Variants in DPP10 observed in about 807,000 individuals in gnomAD.
The protein encoded by DPP10 is dipeptidyl peptidase like 10, also known as inactive dipeptidyl peptidase 10.
DPP10 carries 33 observed loss-of-function variants against 120.9 expected under a neutral mutation model. The ratio of observed to expected loss-of-function variants is 0.27; its 90% confidence interval spans 0.21 to 0.37. DPP10 has a LOEUF of 0.37. Ranked by LOEUF, DPP10 falls within the 10% of genes least tolerant of loss-of-function variation. The probability of loss-of-function intolerance (pLI) is 1.00; values close to 1 mark genes in which losing one functional copy is unlikely to be tolerated. For missense variants in DPP10, 816 were observed against 942.8 expected, an observed-to-expected ratio of 0.87 and a Z score of 1.76; for synonymous variants, 337 against 326.1, an observed-to-expected ratio of 1.03 and a Z score of -0.36.
chr2:115,119,928 T>G (rs1319754964), intron 1 of DPP10, among the ~76,000 whole-genome samples: 1 of 152,232 alleles, frequency 6.6e-6, no homozygotes, highest in Non-Finnish European at 1.5e-5. Flanking sequence ...TAGCCAGTTC[T>G]GAGTGTCTTG....
At chr2:114,771,070 G>T (rs1392093608) in intron 1 of DPP10, among the ~76,000 whole-genome samples, 2 of 152,172 alleles carry the variant, frequency 1.3e-5, no homozygotes, top group Non-Finnish European at 2.9e-5. Flanking sequence ...TATGGCCAGG[G>T]TCATTCTTCA....
intron 1 of DPP10, among the ~76,000 whole-genome samples, chr2:115,276,761 C>T (rs948040338): frequency 7.9e-5 from 12 of 152,084 alleles, no homozygotes; most frequent in African/African-American, 2.9e-4. Flanking sequence ...TTTTTAGAGA[C>T]ACATTTATCA....
At chr2:115,410,273 A>G (rs1480895371) in intron 3 of DPP10, among the ~76,000 whole-genome samples, 3 of 152,256 alleles carry the variant, frequency 2.0e-5, no homozygotes, top group South Asian at 2.1e-4. Context: ...AACGTAATAC[A>G]TATACATCAT....
At chr2:115,836,118 AG>A in intron 21 of DPP10, 38 bp from the exon 22 acceptor site, 3 of 890,328 alleles carry the variant, frequency 3.4e-6, no homozygotes, top group Non-Finnish European at 4.5e-6. Flanking sequence ...TGTGTGTGTG[AG>A]ATATATATAT....
At chr2:115,607,867 T>C (rs2149241153) in intron 5 of DPP10, among the ~76,000 whole-genome samples, 1 of 152,286 alleles carries the variant, frequency 6.6e-6, no homozygotes, top group East Asian at 1.9e-4. Context: ...AGAATCAATA[T>C]GTAGAAACCA....
chr2:115,349,455 T>TA (rs964070255), intron 3 of DPP10, among the ~76,000 whole-genome samples: 2 of 151,832 alleles, frequency 1.3e-5, no homozygotes, highest in Non-Finnish European at 2.9e-5. Context: ...AGGTAAAAGT[T>TA]AAAAAAAGAA....
rs571204333 is a variant in DPP10, at chr2:115,482,320, A to C, written c.272-17190A>C. Among the ~76,000 whole-genome samples, 5 of 31,650 alleles carry C rather than the reference A, an allele frequency of 1.6e-4. No individual in the cohort carries two copies. The East Asian group carries it at 2.3e-3, about 15-fold the overall frequency. 20.8% of individuals were successfully genotyped at this position (31,650 alleles called of 152,430 possible). A position where few individuals can be genotyped will look rare whatever the true frequency, so the allele number is the denominator to read the frequency against. On this transcript the variant is annotated intron_variant, in intron 3 of 25. Coordinates refer to ENST00000410059, the MANE Select transcript of DPP10 (RefSeq NM_020868.6). ...TATATATCTGCATACATAGTAAAATAGTTAGTATAGGGGAACAAATTAGCA... is the reference window on the plus strand; with the variant it reads ...TATATATCTGCATACATAGTAAAATCGTTAGTATAGGGGAACAAATTAGCA...
chr2:115,035,058 C>T (rs936388245), intron 1 of DPP10, among the ~76,000 whole-genome samples: 2 of 152,248 alleles, frequency 1.3e-5, no homozygotes, highest in African/African-American at 4.8e-5. Flanking sequence ...TGGCATTTAG[C>T]CGATGACACC....
chr2:115,160,567 C>G (rs2052233505), intron 1 of DPP10, among the ~76,000 whole-genome samples: 1 of 152,170 alleles, frequency 6.6e-6, no homozygotes. Context: ...TCTGCTGGAA[C>G]TGTCTTGTGC....
At chr2:115,222,991 A>G (rs1426060743) in intron 1 of DPP10, among the ~76,000 whole-genome samples, 1 of 152,144 alleles carries the variant, frequency 6.6e-6, no homozygotes, top group Non-Finnish European at 1.5e-5. Context: ...CTATTTGTAA[A>G]TGGATTTTGA....
chr2:114,453,413 T>A (rs1378023053), intron 1 of DPP10, among the ~76,000 whole-genome samples: 1 of 152,194 alleles, frequency 6.6e-6, no homozygotes, highest in Non-Finnish European at 1.5e-5. Flanking sequence ...CATTTCTTTT[T>A]TCTTTGTTAA....
chr2:115,664,487 T>C (rs2089278644), intron 5 of DPP10, among the ~76,000 whole-genome samples: 1 of 151,980 alleles, frequency 6.6e-6, no homozygotes, highest in African/African-American at 2.4e-5. Context: ...TTAATGTATA[T>C]CTCCCACTTT....
chr2:115,748,734 A>G (rs1678332134), intron 10 of DPP10, among the ~76,000 whole-genome samples: 2 of 152,104 alleles, frequency 1.3e-5, no homozygotes, highest in Non-Finnish European at 2.9e-5. Flanking sequence ...CTTCAACCCA[A>G]TACTTATACT....
chr2:115,101,423 G>T (rs993571640), intron 1 of DPP10, among the ~76,000 whole-genome samples: 3 of 152,108 alleles, frequency 2.0e-5, no homozygotes, highest in African/African-American at 4.8e-5. Context: ...AACTCTAGGG[G>T]TGTACATTGT....
intron 1 of DPP10, among the ~76,000 whole-genome samples, chr2:114,740,469 G>A (rs1169491815): frequency 6.7e-6 from 1 of 148,622 alleles, no homozygotes; most frequent in African/African-American, 2.5e-5. Flanking sequence ...TAACTAACCT[G>A]CACATTGTGC....
chr2:115,772,140 A>G (rs1238881613), intron 13 of DPP10, among the ~76,000 whole-genome samples: 1 of 152,262 alleles, frequency 6.6e-6, no homozygotes, highest in African/African-American at 2.4e-5. Context: ...ACAGTATTGC[A>G]TCCTGATATG....
chr2:115,411,233 G>A (rs963900944), intron 3 of DPP10, among the ~76,000 whole-genome samples: 2 of 152,118 alleles, frequency 1.3e-5, no homozygotes, highest in African/African-American at 2.4e-5. Flanking sequence ...TTGGGAGGCT[G>A]AGACAGGAGA....
chr2:115,308,366 GA>G (rs11309181), intron 1 of DPP10, among the ~76,000 whole-genome samples: 29,424 of 152,010 alleles, frequency 0.19, 3,186 homozygotes, highest in East Asian at 0.35. Flanking sequence ...GAGAAAGGAT[GA>G]AAAGCAGTTG....
At chr2:114,667,643 CG>C (rs1698027316) in intron 1 of DPP10, among the ~76,000 whole-genome samples, 1 of 152,130 alleles carries the variant, frequency 6.6e-6, no homozygotes. Flanking sequence ...AAATCCCCCT[CG>C]GGTGTACTAA....
Sources: allele counts gnomAD v4.1 joint callset (sites outside exome capture counted in the v4.1 genomes callset), GRCh38; gene constraint gnomAD v4.1.1; transcripts MANE v1.5; gene names NCBI Gene and HGNC (gene_info 2026-07-23, HGNC 2026-07-21).